The following BBOF1 variants were observed in gnomAD, a reference collection of about 807,000 sequenced individuals.
BBOF1 encodes the protein basal body orientation factor 1.
BBOF1 carries 62 observed loss-of-function variants against 68.0 expected under a neutral mutation model. The ratio of observed to expected loss-of-function variants is 0.91; its 90% CI spans 0.74 to 1.13. The LOEUF is 1.13. Ranked by LOEUF, BBOF1 falls within the 50% of genes most tolerant of loss-of-function variation. BBOF1 has a pLI of 0.00. For missense variants in BBOF1, 534 were observed against 600.1 expected, an observed-to-expected ratio of 0.89 and a Z score of 1.15; for synonymous variants, 208 against 198.8, an observed-to-expected ratio of 1.05 and a Z score of -0.39.
At chr14:74,049,045 G>T (rs2060011080) in intron 7 of BBOF1, among the ~76,000 whole-genome samples, 1 of 151,918 alleles carries the variant, frequency 6.6e-6, no homozygotes, top group East Asian at 1.9e-4. Context: ...GCTAATTTTT[G>T]CATTTTTTAG....
chr14:74,047,409 T>TTATTTATG (rs1192661773), intron 6 of BBOF1, among the ~76,000 whole-genome samples: 61 of 136,754 alleles, frequency 4.5e-4, no homozygotes, highest in Middle Eastern at 3.6e-3. Context: ...CTTTTTCACT[T>TTATTTATG]TATTTATTTA....
At chr14:74,072,165 G>A in intron 9 of BBOF1, 1 of 1,613,980 alleles carries the variant, frequency 6.2e-7, no homozygotes, top group Non-Finnish European at 8.5e-7. Flanking sequence ...CATGCCCTAG[G>A]TGACAGTTTG....
In BBOF1 at chr14:74,019,483, C is replaced by T. The variant is rs748873062; in HGVS notation, c.5C>T (p.Pro2Leu). The change falls in exon 1 of 12, where the codon CCG becomes CTG. Residue 2 changes from proline to leucine, a missense_variant. Coordinates refer to ENST00000394009, the MANE Select transcript of BBOF1 (RefSeq NM_025057.3). M[P>L]SKGKDKKKGK... is the part of the protein sequence containing the mutation. ...GGAGCCCCTGGGGAAGCCAAGATGC[C>T]GTCGAAGGGAAAGGACAAAAAGAAA... 3.7e-6 allele frequency: 6 copies of T among 1,604,760 alleles called. No individual in the cohort carries two copies. Among genetic ancestry groups the T allele is most frequent in the Non-Finnish European group, 4.3e-6 (5 of 1,175,482 alleles).
intron 8 of BBOF1, among the ~76,000 whole-genome samples, chr14:74,053,700 C>A (rs1186807278): frequency 6.6e-6 from 1 of 151,816 alleles, no homozygotes; most frequent in South Asian, 2.1e-4. Context: ...AGCCACCGCA[C>A]CTGGCCAAAA....
At chr14:74,068,910 A>G (rs762601830), downstream of BBOF1, 28 of 1,613,844 alleles carry the variant, frequency 1.7e-5, no homozygotes, top group Non-Finnish European at 2.3e-5. Flanking sequence ...TCGAAGATAT[A>G]CTCTCCTGCC....
chr14:74,057,128 T>C lies in BBOF1; in HGVS notation c.1464-16T>C, dbSNP rs774067313. The C allele has an allele frequency of 3.7e-6, 6 of 1,606,628 alleles. No homozygotes were observed. The South Asian group carries it at 6.6e-5, about 18-fold the overall frequency. Reference sequence around the variant, plus strand: ...GTAGAGTTGTTGACGGTTCTGTTATTTTGTCATTATTGCAGGGATGAAAGT... The same window carrying C: ...GTAGAGTTGTTGACGGTTCTGTTATCTTGTCATTATTGCAGGGATGAAAGT... On this transcript the variant is annotated splice_polypyrimidine_tract_variant and intron_variant, in intron 10 of 11. Coordinates refer to ENST00000394009, the MANE Select transcript of BBOF1 (RefSeq NM_025057.3).
At chr14:74,059,333 ATT>A in intron 11 of BBOF1, 1 of 455,978 alleles carries the variant, frequency 2.2e-6, no homozygotes, top group South Asian at 1.6e-5. Context: ...TGTCTTACCC[ATT>A]TTCATGGTTG....
At position 74,043,953 on chromosome 14, in the gene BBOF1, A is replaced by G. The variant is rs545020471; in HGVS notation, c.577-2107A>G. ...TTAGAGAGAGATTTCCTAAACTCCAATCTAAAATGAGGCTGGGCACGGTGG... is the reference window on the plus strand; with the variant it reads ...TTAGAGAGAGATTTCCTAAACTCCAGTCTAAAATGAGGCTGGGCACGGTGG... On this transcript the variant is annotated intron_variant, in intron 5 of 11. Transcript: ENST00000394009. Among the ~76,000 whole-genome samples, 208 of 152,066 alleles carry G rather than the reference A, an allele frequency of 1.4e-3. 1 individual carries two copies. The highest frequency in any genetic ancestry group is 4.8e-3 in the African/African-American group (198 of 41,508).
chr14:74,046,161 GA>G, intron 6 of BBOF1, 31 bp downstream of exon 6: 1 of 1,552,836 alleles, frequency 6.4e-7, no homozygotes, highest in Non-Finnish European at 8.8e-7. Flanking sequence ...TTCTGACTCT[GA>G]TTACCTCTCT....
Position 74,064,977 on chromosome 14 carries a change from A to G in BBOF1, c.*278A>G. The G allele has an allele frequency of 6.5e-7, 1 of 1,527,544 alleles. No homozygotes were observed. Among genetic ancestry groups the G allele is most frequent in the Non-Finnish European group, 9.0e-7 (1 of 1,107,866 alleles). The allele number at this position is 1,527,544 out of a possible 1,614,324, so 94.6% of individuals were successfully genotyped here. A position where few individuals can be genotyped will look rare whatever the true frequency, so the allele number is the denominator to read the frequency against. On this transcript the variant is annotated 3_prime_UTR_variant, in exon 12 of 12. Coordinates refer to ENST00000394009, the MANE Select transcript of BBOF1 (RefSeq NM_025057.3). ...AGGACAAAGGAACTCTCCATTTAGA[A>G]ACACAAAGGCATCAGAGACCAGTTT... is the stretch of plus-strand genomic sequence containing the variant.
At chr14:74,069,380 G>A, downstream of BBOF1, 1 of 289,322 alleles carries the variant, frequency 3.5e-6, no homozygotes, top group Non-Finnish European at 6.7e-6. Flanking sequence ...GGGATTACAG[G>A]TGTGAGCCAC....
chr14:74,082,643 A>C (rs2060681953), intron 12 of BBOF1: 1 of 151,992 alleles, frequency 6.6e-6, no homozygotes, highest in South Asian at 2.1e-4. Context: ...CAGGTGATCC[A>C]CCCACCTTGG....
Position 74,034,013 on chromosome 14 carries a change from C to T in BBOF1, c.352-15C>T. 1 of 1,576,988 alleles carries T rather than the reference C, an allele frequency of 6.3e-7. No homozygotes were observed. The highest frequency in any genetic ancestry group is 8.6e-7 in the Non-Finnish European group (1 of 1,166,118). On this transcript the variant is annotated splice_polypyrimidine_tract_variant and intron_variant, in intron 3 of 11. Coordinates refer to ENST00000394009, the MANE Select transcript of BBOF1 (RefSeq NM_025057.3). The stretch of plus-strand genomic sequence containing the variant: ...GTTCTTTTTCCTAACTCGTTTACCT[C>T]TTTTTTGAATACAGGAACAAAAGTA...
Position 74,034,282 on chromosome 14 carries a change from AT to A in BBOF1, c.495+115del, listed in dbSNP as rs1258298422. ...GAGACGGCAAAGAACTCTCTTTGAC[AT>A]TTTAGAAATTATTTGAGAGAAAAAG... On this transcript the variant is annotated intron_variant, in intron 4 of 11. Transcript: ENST00000394009. The A allele has an allele frequency of 8.9e-6, 6 of 674,822 alleles. No homozygotes were observed. The East Asian group carries it at 1.7e-4, about 19-fold the overall frequency. 41.8% of individuals were successfully genotyped at this position (674,822 alleles called of 1,614,324 possible).
chr14:74,070,843 T>C (rs1306943688), downstream of BBOF1: 1 of 286,260 alleles, frequency 3.5e-6, no homozygotes, highest in Non-Finnish European at 6.6e-6. Flanking sequence ...TATTATTACA[T>C]GAATTAGAAG....
At chr14:74,058,350 A>C (rs546381451) in intron 11 of BBOF1, 10 of 142,736 alleles carry the variant, frequency 7.0e-5, no homozygotes, top group East Asian at 3.9e-4. Context: ...ACAACAACAA[A>C]AAAAATCACT....
chr14:74,043,666 C>A (rs566488030), intron 5 of BBOF1, among the ~76,000 whole-genome samples: 2 of 145,700 alleles, frequency 1.4e-5, no homozygotes, highest in East Asian at 4.7e-4. Context: ...CTGGGTTCAA[C>A]TGGTTCTCCT....
intron 2 of BBOF1, 68 bp from the exon 3 acceptor site, chr14:74,029,116 C>T (rs1173233122): frequency 2.1e-6 from 2 of 955,208 alleles, no homozygotes; most frequent in South Asian, 1.4e-5. Context: ...TGAAACTAGT[C>T]TACTTAATAA....
At chr14:74,073,084 G>A (rs1437791854) in intron 9 of BBOF1, among the ~76,000 whole-genome samples, 1 of 152,144 alleles carries the variant, frequency 6.6e-6, no homozygotes, top group Non-Finnish European at 1.5e-5. Flanking sequence ...ACAGGCGTGA[G>A]CCTCTGCACC....
Sources: allele counts gnomAD v4.1 joint callset (sites outside exome capture counted in the v4.1 genomes callset), GRCh38; gene constraint gnomAD v4.1.1; transcripts MANE v1.5; gene names NCBI Gene and HGNC (gene_info 2026-07-23, HGNC 2026-07-21).